CLCNKA: variants seen among roughly 807,000 people sequenced by gnomAD.
CLCNKA encodes chloride channel protein ClC-Ka.
CLCNKA carries 66 observed loss-of-function variants against 83.3 expected under a neutral mutation model. The ratio of observed to expected loss-of-function variants is 0.79; its 90% CI spans 0.65 to 0.97. CLCNKA has a LOEUF of 0.97. Among genes scored for constraint, CLCNKA ranks in the 50% least tolerant of loss-of-function variants. The pLI is 0.00. For synonymous variants in CLCNKA, 357 were observed against 370.4 expected, an observed-to-expected ratio of 0.96 and a Z score of 0.42; for missense variants, 806 against 888.7, an observed-to-expected ratio of 0.91 and a Z score of 1.18.
chr1:16,032,247 C>G lies in CLCNKA; in HGVS notation c.1801C>G (p.Gln601Glu). The G allele has an allele frequency of 6.2e-7, 1 of 1,612,234 alleles. No individual in the cohort carries two copies. Residue 601 changes from glutamine to glutamate, a missense_variant, in exon 17 of 20, where the codon CAG (glutamine) becomes GAG (glutamate). By Grantham distance (29) the Gln-to-Glu change is conservative (BLOSUM62 2). Coordinates refer to ENST00000331433, the MANE Select transcript of CLCNKA (RefSeq NM_004070.4). ...VGIVQRAQLV[Q>E]ALQAEPPSRA... is the part of the protein sequence containing the mutation. ...CATCGTGCAGAGGGCCCAGCTGGTG[C>G]AGGCCCTCCAGGCTGAGCCTCCTTC...
chr1:16,030,685 C>T lies in CLCNKA; in HGVS notation c.1622+11C>T. ...GGGCCGCAACATCGGGTGAGTGGTGCCCACCTCAGGCTGACTGAAGGGGGT... is the reference window on the plus strand; with the variant it reads ...GGGCCGCAACATCGGGTGAGTGGTGTCCACCTCAGGCTGACTGAAGGGGGT... On this transcript the variant is annotated intron_variant, in intron 15 of 19. Transcript: ENST00000331433. The T allele has an allele frequency of 3.7e-6, 6 of 1,613,140 alleles. No individual in the cohort carries two copies. Among genetic ancestry groups the T allele is most frequent in the South Asian group, 1.1e-5 (1 of 91,086 alleles).
chr1:16,026,664 G>A (rs768217760), intron 6 of CLCNKA, 33 bp from the exon 7 acceptor site: 3 of 1,613,534 alleles, frequency 1.9e-6, no homozygotes, highest in Admixed American at 3.3e-5. Flanking sequence ...GAGGGAGGGG[G>A]CTGACTCTGA....
intron 8 of CLCNKA, 138 bp from the exon 9 acceptor site, chr1:16,027,683 T>C (rs2022424285): frequency 6.5e-7 from 1 of 1,544,734 alleles, no homozygotes; most frequent in East Asian, 2.3e-5. Flanking sequence ...AAGAGCCTGG[T>C]TGTGGGGGCC....
intron 3 of CLCNKA, 114 bp downstream of exon 3, chr1:16,024,042 G>A: frequency 3.9e-6 from 5 of 1,281,210 alleles, no homozygotes; most frequent in Non-Finnish European, 5.6e-6. Flanking sequence ...GTGCGGGGAG[G>A]GCTCTGGCTC....
chr1:16,023,612 T>C (rs1437800439), intron 2 of CLCNKA, among the ~76,000 whole-genome samples, 188 bp from the exon 3 acceptor site: 1 of 152,210 alleles, frequency 6.6e-6, no homozygotes, highest in African/African-American at 2.4e-5. Flanking sequence ...GACACAGCCA[T>C]CTGCCAGTCC....
intron 4 of CLCNKA, among the ~76,000 whole-genome samples, chr1:16,025,421 C>G (rs1269553101): frequency 6.6e-6 from 1 of 152,214 alleles, no homozygotes; most frequent in Non-Finnish European, 1.5e-5. Context: ...TCTATAATCC[C>G]AGCACTTTGG....
chr1:16,028,658 C>G, intron 10 of CLCNKA, 103 bp from the exon 11 acceptor site: 1 of 1,414,486 alleles, frequency 7.1e-7, no homozygotes, highest in Non-Finnish European at 1.0e-6. Flanking sequence ...GGTATCAGCC[C>G]CCAGGTGGGG....
intron 3 of CLCNKA, among the ~76,000 whole-genome samples, chr1:16,024,301 A>G (rs2022262381): frequency 6.6e-6 from 1 of 152,102 alleles, no homozygotes; most frequent in South Asian, 2.1e-4. Flanking sequence ...GCCTGCCTCC[A>G]CCCTGAGGCC....
At chr1:16,027,222 C>G in intron 7 of CLCNKA, 88 bp from the exon 8 acceptor site, 3 of 1,576,674 alleles carry the variant, frequency 1.9e-6, no homozygotes, top group East Asian at 2.2e-5. Context: ...GGACAGATGG[C>G]TCAGGGAGGA....
intron 1 of CLCNKA, among the ~76,000 whole-genome samples, 182 bp from the exon 2 acceptor site, chr1:16,022,431 G>A (rs148140754): frequency 1.8e-3 from 268 of 152,244 alleles, no homozygotes; most frequent in Admixed American, 4.1e-3. Context: ...ACACACACAG[G>A]CACACACCCT....
At chr1:16,028,660 C>G (rs1557452761) in intron 10 of CLCNKA, 101 bp from the exon 11 acceptor site, 5 of 1,425,840 alleles carry the variant, frequency 3.5e-6, no homozygotes, top group Non-Finnish European at 4.9e-6. Context: ...TATCAGCCCC[C>G]AGGTGGGGAG....
At chr1:16,029,053 G>C in intron 11 of CLCNKA, 73 bp from the exon 12 acceptor site, 1 of 1,573,338 alleles carries the variant, frequency 6.4e-7, no homozygotes, top group Middle Eastern at 2.0e-4. Flanking sequence ...GCGGGGTCAG[G>C]CGGTGCGGGG....
At chr1:16,026,048 C>G (rs1409291957) in intron 4 of CLCNKA, 60 bp from the exon 5 acceptor site, 3 of 1,610,056 alleles carry the variant, frequency 1.9e-6, no homozygotes, top group Non-Finnish European at 2.5e-6. Context: ...GCCACTGCGC[C>G]TGGCAGAGAG....
In CLCNKA at chr1:16,029,940, C is replaced by T. The variant is rs1403560302; in HGVS notation, c.1298-25C>T. ...TGTGGGGGCCGGGTCAGCCTGGCTC[C>T]CCCTCACCCTAAGTCTGTGGCCAGG... On this transcript the variant is annotated intron_variant, in intron 13 of 19. Transcript: ENST00000331433. The T allele has an allele frequency of 1.9e-6, 3 of 1,603,380 alleles. No homozygotes were observed. In the Admixed American group the frequency reaches 5.0e-5, roughly 27 times the overall value.
intron 2 of CLCNKA, 71 bp from the exon 3 acceptor site, chr1:16,023,729 A>G: frequency 1.9e-6 from 3 of 1,589,352 alleles, no homozygotes; most frequent in Non-Finnish European, 2.6e-6. Context: ...GGAGCCAAGC[A>G]GACCTCCAGG....
In CLCNKA at chr1:16,028,098, G is replaced by A. The variant is rs1230653852; in HGVS notation, c.947G>A (p.Ser316Asn). Residue 316 changes from serine (S) to asparagine (N), a missense_variant, in exon 10 of 20, where the codon AGC (serine) becomes AAC (asparagine). Coordinates refer to ENST00000331433, the MANE Select transcript of CLCNKA (RefSeq NM_004070.4). ...AGCTTCATCAAGACCAATCGGTACAGCTCCAAACTGCTGGCTACTAGGTAG... is the reference window on the plus strand; with the variant it reads ...AGCTTCATCAAGACCAATCGGTACAACTCCAAACTGCTGGCTACTAGGTAG... The part of the protein sequence containing the change: ...FLSFIKTNRY[S>N]SKLLATSKPV... The A allele has an allele frequency of 1.9e-6, 3 of 1,564,854 alleles. No individual in the cohort carries two copies. Among genetic ancestry groups the A allele is most frequent in the Non-Finnish European group, 2.6e-6 (3 of 1,136,086 alleles).
In CLCNKA at chr1:16,033,847, C is replaced by T; in HGVS notation, c.*189C>T. The stretch of plus-strand genomic sequence containing the variant: ...TCCTGGGTGGGACGATGGCTCCTGC[C>T]TTGAAAGACAAAAATCCCACCTTGG... On this transcript the variant is annotated 3_prime_UTR_variant, in exon 20 of 20. Transcript: ENST00000331433. 1 of 682,650 alleles carries T rather than the reference C, an allele frequency of 1.5e-6. No individual in the cohort carries two copies. The highest frequency in any genetic ancestry group is 2.7e-6 in the Non-Finnish European group (1 of 376,060). 42.3% of individuals were successfully genotyped at this position (682,650 alleles called of 1,614,324 possible).
chr1:16,032,647 T>C, intron 18 of CLCNKA, 121 bp downstream of exon 18: 1 of 790,620 alleles, frequency 1.3e-6, no homozygotes, highest in Non-Finnish European at 2.2e-6. Context: ...TGCTTCCTGC[T>C]CCTCCTGGGC....
rs1403733160 is a variant in CLCNKA, at chr1:16,026,133, C to G, written c.384C>G (p.Thr128=). The change falls in exon 5 of 20, where the codon ACC becomes ACG. Residue 128 remains threonine (T), a synonymous_variant. Coordinates refer to ENST00000331433, the MANE Select transcript of CLCNKA (RefSeq NM_004070.4). ...SGGSGIPELK[T]MLAGVILEDY... ...GTTCTGGAATCCCGGAGCTGAAGACCATGTTGGCGGGTGTGATCTTGGAGG... is the reference window on the plus strand; with the variant it reads ...GTTCTGGAATCCCGGAGCTGAAGACGATGTTGGCGGGTGTGATCTTGGAGG... The G allele has an allele frequency of 1.2e-6, 2 of 1,612,962 alleles. No homozygotes were observed. Among genetic ancestry groups the G allele is most frequent in the African/African-American group, 2.7e-5 (2 of 75,008 alleles).
Sources: allele counts gnomAD v4.1 joint callset (sites outside exome capture counted in the v4.1 genomes callset), GRCh38; gene constraint gnomAD v4.1.1; transcripts MANE v1.5; gene names NCBI Gene and HGNC (gene_info 2026-07-23, HGNC 2026-07-21).